The following ELF1 variants were observed in gnomAD, a reference collection of about 807,000 sequenced individuals.
ELF1 encodes ETS-related transcription factor Elf-1.
A neutral mutation model predicts 59.9 loss-of-function variants in ELF1; 24 were observed. The observed-to-expected ratio is 0.40, with a 90% CI of 0.29 to 0.56. ELF1 has a LOEUF of 0.56. Among genes scored for constraint, ELF1 ranks in the 20% least tolerant of loss-of-function variants. The pLI is 0.44. For synonymous variants in ELF1, 248 were observed against 266.2 expected, an observed-to-expected ratio of 0.93 and a Z score of 0.67; for missense variants, 627 against 742.2, an observed-to-expected ratio of 0.84 and a Z score of 1.80.
chr13:41,052,680 C>A (rs1433102561), intron 1 of ELF1, among the ~76,000 whole-genome samples: 1 of 152,074 alleles, frequency 6.6e-6, no homozygotes, highest in Non-Finnish European at 1.5e-5. Context: ...CATGACACAG[C>A]ACTCCAGCCT....
intron 2 of ELF1, among the ~76,000 whole-genome samples, chr13:40,981,221 C>T (rs898324811): frequency 6.6e-6 from 1 of 152,052 alleles, no homozygotes; most frequent in African/African-American, 2.4e-5. Context: ...TGAGTCTCTC[C>T]AACACGTACA....
intron 1 of ELF1, among the ~76,000 whole-genome samples, chr13:41,051,167 C>T (rs1183830647): frequency 6.6e-6 from 1 of 151,726 alleles, no homozygotes; most frequent in East Asian, 1.9e-4. Context: ...AAAAGTAGCA[C>T]TTTAAGGGAC....
chr13:41,029,733 A>G (rs1466720629), intron 1 of ELF1, among the ~76,000 whole-genome samples: 4 of 152,176 alleles, frequency 2.6e-5, no homozygotes, highest in African/African-American at 4.8e-5. Context: ...CCCTCATCCA[A>G]TGTGGGTGGG....
chr13:41,020,685 C>T (rs1203186900), upstream of ELF1, among the ~76,000 whole-genome samples: 2 of 152,132 alleles, frequency 1.3e-5, no homozygotes, highest in Non-Finnish European at 2.9e-5. Context: ...TGTCAAATGT[C>T]ATATTTAGCT....
At chr13:41,010,595 T>C (rs141807840) in intron 1 of ELF1, among the ~76,000 whole-genome samples, 1,820 of 152,190 alleles carry the variant, frequency 0.012, 44 homozygotes, top group African/African-American at 0.041. Flanking sequence ...TATATAATTA[T>C]AATACATTTT....
chr13:41,040,631 C>A (rs539128437), intron 1 of ELF1, among the ~76,000 whole-genome samples: 2 of 152,220 alleles, frequency 1.3e-5, no homozygotes, highest in Admixed American at 1.3e-4. Context: ...GTACAGTTCA[C>A]AATACGGTTC....
At position 40,970,474 on chromosome 13, in the gene ELF1, A is replaced by T. The variant is rs566092631; in HGVS notation, c.73-11458T>A. On this transcript the variant is annotated intron_variant, in intron 2 of 8. Coordinates refer to ENST00000239882, the MANE Select transcript of ELF1 (RefSeq NM_172373.4). Reference sequence around the variant, plus strand: ...CAGTGACTTGTAAGAATCCAAGTGTATACAGAAAAGACTGTAAACTACAAA... The same window carrying T: ...CAGTGACTTGTAAGAATCCAAGTGTTTACAGAAAAGACTGTAAACTACAAA... 2.0e-5 allele frequency among the ~76,000 whole-genome samples: 3 copies of T among 152,360 alleles called. No homozygotes were observed. The East Asian group carries it at 5.8e-4, about 29-fold the overall frequency.
At chr13:40,978,223 C>T (rs919392068) in intron 2 of ELF1, among the ~76,000 whole-genome samples, 6 of 151,750 alleles carry the variant, frequency 4.0e-5, no homozygotes, top group South Asian at 4.2e-4. Context: ...ACTAAAAATA[C>T]AAAAATTAGC....
intron 1 of ELF1, among the ~76,000 whole-genome samples, chr13:41,043,313 A>T (rs1330375531): frequency 6.6e-6 from 1 of 152,034 alleles, no homozygotes; most frequent in Non-Finnish European, 1.5e-5. Context: ...GTTTAATTAG[A>T]TCCCATTTGT....
In ELF1 at chr13:41,002,236, T is replaced by C. The variant is rs187928668; in HGVS notation, c.-229+16992A>G. Among the ~76,000 whole-genome samples the C allele has an allele frequency of 5.4e-3, 828 of 152,292 alleles. 7 individuals carry two copies. The highest frequency in any genetic ancestry group is 0.019 in the African/African-American group (796 of 41,566). On this transcript the variant is annotated intron_variant, in intron 1 of 8. Transcript: ENST00000239882. ...CTTTGAGCCAACTGAAATGTGACAC[T>C]GTGTACTGGGATTTTTAAAAACATC...
intron 2 of ELF1, among the ~76,000 whole-genome samples, chr13:40,971,074 A>G (rs559741643): frequency 3.3e-5 from 5 of 152,264 alleles, no homozygotes; most frequent in African/African-American, 1.2e-4. Flanking sequence ...CTGACTCTAG[A>G]GTCCACAAGT....
rs566214771 is a variant in ELF1 at position 40,976,841 on chromosome 13, G to A, written c.72+5142C>T. Among the ~76,000 whole-genome samples the A allele has an allele frequency of 1.6e-4, 24 of 152,198 alleles. No homozygotes were observed. The East Asian group carries it at 2.5e-3, about 16-fold the overall frequency. On this transcript the variant is annotated intron_variant, in intron 2 of 8. Coordinates refer to ENST00000239882, the MANE Select transcript of ELF1 (RefSeq NM_172373.4). ...ATTACAGGCATGAGCCACTGCACCC[G>A]GCACTGTTACTCTTTAACCTCCAGG...
At chr13:40,972,815 CA>C (rs1167258318) in intron 2 of ELF1, among the ~76,000 whole-genome samples, 1 of 152,094 alleles carries the variant, frequency 6.6e-6, no homozygotes, top group African/African-American at 2.4e-5. Flanking sequence ...TCTTGATTGA[CA>C]AACATCAGTT....
intron 2 of ELF1, among the ~76,000 whole-genome samples, chr13:40,981,264 A>G (rs1873252880): frequency 6.6e-6 from 1 of 152,042 alleles, no homozygotes; most frequent in Non-Finnish European, 1.5e-5. Context: ...TACATTCCCT[A>G]TATAACTTGT....
intron 1 of ELF1, among the ~76,000 whole-genome samples, chr13:41,049,042 G>A (rs999320383): frequency 2.6e-5 from 4 of 152,050 alleles, no homozygotes; most frequent in African/African-American, 9.7e-5. Flanking sequence ...CACTTCTTTG[G>A]CTTCTGTGAT....
chr13:40,982,952 C>T, intron 1 of ELF1: 2 of 810,242 alleles, frequency 2.5e-6, no homozygotes, highest in Non-Finnish European at 3.0e-6. Context: ...AAGGAAACAG[C>T]ACTTGACCAC....
At chr13:41,057,151 CTT>C (rs11358975) in intron 1 of ELF1, among the ~76,000 whole-genome samples, 8,911 of 131,578 alleles carry the variant, frequency 0.068, 274 homozygotes, top group Middle Eastern at 0.1. Flanking sequence ...ACTTTCACGT[CTT>C]TTTTTTTTTT....
At chr13:41,048,163 G>A (rs1876937451) in intron 1 of ELF1, among the ~76,000 whole-genome samples, 1 of 152,184 alleles carries the variant, frequency 6.6e-6, no homozygotes. Flanking sequence ...CGATTTTCTA[G>A]GTGCCTTCTG....
chr13:40,979,218 T>TAC (rs147590741), intron 2 of ELF1, among the ~76,000 whole-genome samples: 4,843 of 151,190 alleles, frequency 0.032, 164 homozygotes, highest in East Asian at 0.1. Context: ...AAAGATACAC[T>TAC]ACACACACAC....
Sources: gnomAD v4.1 joint callset for allele counts (sites outside exome capture counted in the v4.1 genomes callset) on GRCh38, gnomAD v4.1.1 for gene constraint, MANE v1.5 for transcripts, NCBI Gene and HGNC (gene_info 2026-07-23, HGNC 2026-07-21) for gene names.